The following FGFR2 variants were observed in gnomAD, a reference collection of about 807,000 sequenced individuals.
FGFR2 encodes fibroblast growth factor receptor 2, also known as BEK fibroblast growth factor receptor.
In FGFR2, 19 loss-of-function variants were observed where a neutral mutation model predicts 95.9. The ratio of observed to expected loss-of-function variants is 0.20; its 90% CI spans 0.14 to 0.29. The LOEUF is 0.29. Among genes scored for constraint, FGFR2 ranks in the 10% least tolerant of loss-of-function variants. FGFR2 has a pLI of 1.00. For missense variants in FGFR2, 707 were observed against 1,056.9 expected, an observed-to-expected ratio of 0.67 and a Z score of 4.59; for synonymous variants, 392 against 393.3, an observed-to-expected ratio of 1.00 and a Z score of 0.04.
At chr10:121,507,602 G>A (rs1817753907) in intron 9 of FGFR2, among the ~76,000 whole-genome samples, 1 of 152,016 alleles carries the variant, frequency 6.6e-6, no homozygotes, top group Admixed American at 6.6e-5. Flanking sequence ...AAGAAAAGAG[G>A]AGACAGGAAC....
In FGFR2 at chr10:121,490,710, T is replaced by C. The variant is rs189914216; in HGVS notation, c.1864-2597A>G. Among the ~76,000 whole-genome samples the C allele has an allele frequency of 2.0e-5, 3 of 152,190 alleles. No individual in the cohort carries two copies. The East Asian group carries it at 5.8e-4, about 30-fold the overall frequency. ...ATCAGTCCATTCAACAAGGCTGAAA[T>C]GGGGGCGATCTTAGGCACTCCACGA... On this transcript the variant is annotated intron_variant, in intron 13 of 17. Transcript: ENST00000358487.
intron 1 of FGFR2, chr10:121,596,653 CAAAA>C (rs1564760363): frequency 4.9e-6 from 1 of 204,578 alleles, no homozygotes. Flanking sequence ...ATTGAAATCT[CAAAA>C]AACACACACT....
intron 2 of FGFR2, 135 bp from the exon 3 acceptor site, chr10:121,565,839 A>G (rs1590015085): frequency 2.0e-6 from 2 of 1,013,840 alleles, no homozygotes; most frequent in East Asian, 2.6e-5. Flanking sequence ...CCCAGCAGGC[A>G]TCCACCTCTC....
Position 121,598,301 on chromosome 10 carries a change from C to G in FGFR2, c.-490G>C, listed in dbSNP as rs1453178424. 2.8e-6 allele frequency: 1 copy of G among 359,898 alleles called. No individual in the cohort carries two copies. The highest frequency in any genetic ancestry group is 4.7e-5 in the Admixed American group (1 of 21,224). 22.3% of individuals were successfully genotyped at this position (359,898 alleles called of 1,614,324 possible). A position where few individuals can be genotyped will look rare whatever the true frequency, so the allele number is the denominator to read the frequency against. On this transcript the variant is annotated 5_prime_UTR_variant, in exon 1 of 18. Coordinates refer to ENST00000358487, the MANE Select transcript of FGFR2 (RefSeq NM_000141.5). ...GGGCCCCCGGGGCTCGCGGCCGGCC[C>G]CCGCCAGCCCGGAGAGCAGTCGCCG...
intron 6 of FGFR2, among the ~76,000 whole-genome samples, chr10:121,521,972 G>A (rs906523539): frequency 8.5e-5 from 13 of 152,212 alleles, no homozygotes; most frequent in African/African-American, 3.1e-4. Flanking sequence ...CATGAAGAAG[G>A]AGGAAATGGT....
At chr10:121,526,604 A>C in intron 6 of FGFR2, 1 of 398,030 alleles carries the variant, frequency 2.5e-6, no homozygotes, top group Non-Finnish European at 4.4e-6. Context: ...TTAGCAGAAA[A>C]AGGGAACGCT....
At chr10:121,558,614 T>C (rs969025472) in intron 4 of FGFR2, among the ~76,000 whole-genome samples, 1 of 151,758 alleles carries the variant, frequency 6.6e-6, no homozygotes, top group African/African-American at 2.4e-5. Context: ...TTTTTTGTTT[T>C]TTTTTTTTTT....
chr10:121,501,595 C>T (rs754751810), intron 10 of FGFR2, among the ~76,000 whole-genome samples: 2 of 152,108 alleles, frequency 1.3e-5, no homozygotes, highest in African/African-American at 2.4e-5. Flanking sequence ...GCACATCGGA[C>T]GAATAGCCAT....
At chr10:121,534,066 G>A (rs373346142) in intron 6 of FGFR2, among the ~76,000 whole-genome samples, 2 of 149,640 alleles carry the variant, frequency 1.3e-5, no homozygotes, top group East Asian at 3.9e-4. Context: ...TCAGCCTCTG[G>A]CCACGTCTGT....
At chr10:121,578,641 G>A (rs947594105) in intron 2 of FGFR2, among the ~76,000 whole-genome samples, 1 of 152,268 alleles carries the variant, frequency 6.6e-6, no homozygotes, top group African/African-American at 2.4e-5. Context: ...TGGGCGCTGT[G>A]GCTTACGCCT....
chr10:121,538,311 C>T (rs1853154687), intron 6 of FGFR2: 2 of 776,788 alleles, frequency 2.6e-6, no homozygotes, highest in Non-Finnish European at 4.8e-6. Flanking sequence ...TCAGAGTAAT[C>T]TCAGCTTCCA....
At position 121,518,018 on chromosome 10, in the gene FGFR2, T is replaced by A. The variant is rs771525483; in HGVS notation, c.940-555A>T. On this transcript the variant is annotated intron_variant, in intron 7 of 17. Coordinates refer to ENST00000358487, the MANE Select transcript of FGFR2 (RefSeq NM_000141.5). The surrounding 1 kb of genome is among the most constrained non-coding windows in gnomAD (Gnocchi z 4.0). ...GATACCATCTTGCCCTACATAGCAT[T>A]GACAAAAAGAAATGGAAGCAAGCAT... The A allele has an allele frequency of 2.0e-6, 1 of 491,866 alleles. No individual in the cohort carries two copies. Among genetic ancestry groups the A allele is most frequent in the Admixed American group, 2.3e-5 (1 of 43,440 alleles). 30.5% of individuals were successfully genotyped at this position (491,866 alleles called of 1,614,324 possible).
At chr10:121,492,852 G>C (rs1433964308) in intron 13 of FGFR2, among the ~76,000 whole-genome samples, 3 of 152,126 alleles carry the variant, frequency 2.0e-5, no homozygotes, top group Non-Finnish European at 4.4e-5. Flanking sequence ...TCAATGTAGA[G>C]ACAATGAGGC....
In FGFR2 at chr10:121,548,647, C is replaced by G. The variant is rs141559707; in HGVS notation, c.624+2643G>C. Among the ~76,000 whole-genome samples, 1,068 of 152,178 alleles carry G rather than the reference C, an allele frequency of 7.0e-3. 15 individuals are homozygous for G. The highest frequency in any genetic ancestry group is 0.025 in the African/African-American group (1,027 of 41,520). ...ATTTTGAGCCCAGGGGTCTCTGGAG[C>G]CTCATCAGCTCCTCTTTGTACTTAT... On this transcript the variant is annotated intron_variant, in intron 5 of 17. Transcript: ENST00000358487.
chr10:121,593,646 CT>C, intron 2 of FGFR2, 62 bp downstream of exon 2: 1 of 1,438,946 alleles, frequency 6.9e-7, no homozygotes, highest in East Asian at 2.3e-5. Flanking sequence ...TAAAACAGGC[CT>C]TAACAATCTG....
At chr10:121,550,023 A>G (rs1230589979) in intron 5 of FGFR2, among the ~76,000 whole-genome samples, 1 of 152,194 alleles carries the variant, frequency 6.6e-6, no homozygotes, top group African/African-American at 2.4e-5. Flanking sequence ...GAATTTCATC[A>G]TAAGGTTTCC....
chr10:121,518,607 C>T lies in FGFR2; in HGVS notation c.940-1144G>A, dbSNP rs950981769. 6.3e-7 allele frequency: 1 copy of T among 1,578,108 alleles called. No homozygotes were observed. The highest frequency in any genetic ancestry group is 1.7e-5 in the Admixed American group (1 of 59,252). The stretch of plus-strand genomic sequence containing the variant: ...TATCCTATAAGCTGCCTGCAGTCTC[C>T]CAAAGCACCAAGTCTTTTCAGCTTC... On this transcript the variant is annotated intron_variant, in intron 7 of 17. Coordinates refer to ENST00000358487, the MANE Select transcript of FGFR2 (RefSeq NM_000141.5). This position sits in a 1 kb window ranked among gnomAD's most constrained non-coding sequence, Gnocchi z 4.0.
chr10:121,526,013 C>T (rs1464243593), intron 6 of FGFR2: 1 of 394,726 alleles, frequency 2.5e-6, no homozygotes, highest in East Asian at 3.6e-5. Flanking sequence ...CCGGCAGTCA[C>T]ACACCAAGAG....
At chr10:121,500,001 G>A (rs1440931085) in intron 11 of FGFR2, among the ~76,000 whole-genome samples, 5 of 152,294 alleles carry the variant, frequency 3.3e-5, no homozygotes, top group African/African-American at 9.6e-5. Context: ...CCTGCGACAT[G>A]CCCAGCACCA....
Sources: allele counts gnomAD v4.1 joint callset (sites outside exome capture counted in the v4.1 genomes callset), GRCh38; gene constraint gnomAD v4.1.1; non-coding constraint Gnocchi (gnomAD v3.1); transcripts MANE v1.5; gene names NCBI Gene and HGNC (gene_info 2026-07-23, HGNC 2026-07-21).